The following PLPPR1 variants were observed in gnomAD, a reference collection of about 807,000 sequenced individuals.
PLPPR1 encodes the protein phospholipid phosphatase-related protein type 1.
In PLPPR1, 10 loss-of-function variants were observed where a neutral mutation model predicts 33.1. The ratio of observed to expected loss-of-function variants is 0.30; its 90% CI spans 0.19 to 0.51. The LOEUF (loss-of-function observed/expected upper bound fraction) is 0.51. Among genes scored for constraint, PLPPR1 ranks in the 20% least tolerant of loss-of-function variants. The probability of loss-of-function intolerance (pLI) is 0.97; values close to 1 mark genes in which losing one functional copy is unlikely to be tolerated. For synonymous variants in PLPPR1, 151 were observed against 151.0 expected (o/e 1.00, Z 0.00); for missense variants, 304 against 408.1 (o/e 0.74, Z 2.20).
chr9:101,042,131 GT>G (rs914882880), intron 1 of PLPPR1, among the ~76,000 whole-genome samples: 1 of 152,152 alleles, frequency 6.6e-6, no homozygotes, highest in Non-Finnish European at 1.5e-5. Context: ...ATTACAACAA[GT>G]TTAAAGTCAC....
chr9:101,159,479 A>T (rs979699782), intron 1 of PLPPR1, among the ~76,000 whole-genome samples: 1 of 152,210 alleles, frequency 6.6e-6, no homozygotes, highest in Admixed American at 6.5e-5. Context: ...CAAAGAAATG[A>T]TTGAAATGTT....
chr9:101,315,186 G>T (rs1483687523), intron 6 of PLPPR1, among the ~76,000 whole-genome samples: 1 of 152,186 alleles, frequency 6.6e-6, no homozygotes, highest in African/African-American at 2.4e-5. Flanking sequence ...TAGTGAGCAG[G>T]CCTCATTTTT....
chr9:101,094,887 T>C (rs564823400), intron 1 of PLPPR1, among the ~76,000 whole-genome samples: 1 of 152,156 alleles, frequency 6.6e-6, no homozygotes, highest in African/African-American at 2.4e-5. Context: ...GGGGCTTCAG[T>C]CTATCTCCAT....
At chr9:101,246,107 T>TATAG (rs1249953933) in intron 2 of PLPPR1, among the ~76,000 whole-genome samples, 4,473 of 95,924 alleles carry the variant, frequency 0.047, 270 homozygotes, top group Non-Finnish European at 0.069. Context: ...TATATATATA[T>TATAG]ATAGATAGAT....
intron 2 of PLPPR1, among the ~76,000 whole-genome samples, chr9:101,237,836 T>TATATATA: frequency 1.5e-5 from 2 of 129,892 alleles, no homozygotes; most frequent in East Asian, 2.3e-4. Context: ...TATATATATA[T>TATATATA]GCTATATATG....
chr9:101,065,183 T>C (rs1437289809), intron 1 of PLPPR1, among the ~76,000 whole-genome samples: 1 of 152,114 alleles, frequency 6.6e-6, no homozygotes. Flanking sequence ...TCTCTCACCC[T>C]ACTTTTTTAT....
intron 1 of PLPPR1, among the ~76,000 whole-genome samples, chr9:101,088,826 TA>T (rs1259648646): frequency 6.6e-6 from 1 of 152,208 alleles, no homozygotes; most frequent in Non-Finnish European, 1.5e-5. Flanking sequence ...CTTAGCCTTT[TA>T]TTATTCCATG....
chr9:101,145,821 C>T (rs1010865204), intron 1 of PLPPR1, among the ~76,000 whole-genome samples: 1 of 135,532 alleles, frequency 7.4e-6, no homozygotes, highest in Non-Finnish European at 1.5e-5. Context: ...GCCTGGGCAA[C>T]ATGGCAAGAC....
At position 101,186,744 on chromosome 9, in the gene PLPPR1, T is replaced by C. The variant is rs146462619; in HGVS notation, c.63+1187T>C. On this transcript the variant is annotated intron_variant, in intron 2 of 7. Coordinates refer to ENST00000374874, the MANE Select transcript of PLPPR1 (RefSeq NM_207299.2). Reference sequence around the variant, plus strand: ...ATCATTGAGTTTCACCTTATAGACATTGCTTGGTACTTTTAGATGAACAAA... The same window carrying C: ...ATCATTGAGTTTCACCTTATAGACACTGCTTGGTACTTTTAGATGAACAAA... Among the ~76,000 whole-genome samples, 210 of 152,026 alleles carry C rather than the reference T, an allele frequency of 1.4e-3. 1 individual carries two copies. Among genetic ancestry groups the C allele is most frequent in the African/African-American group, 4.7e-3 (194 of 41,528 alleles).
At chr9:101,038,193 C>A (rs898749229) in intron 1 of PLPPR1, among the ~76,000 whole-genome samples, 16 of 152,012 alleles carry the variant, frequency 1.1e-4, no homozygotes, top group African/African-American at 3.9e-4. Flanking sequence ...GCTATAATTT[C>A]AAATAGAAGC....
Position 101,269,823 on chromosome 9 carries a change from G to A in PLPPR1, c.64-57G>A, listed in dbSNP as rs750582027. The A allele has an allele frequency of 3.9e-6, 6 of 1,546,400 alleles. No individual in the cohort carries two copies. In the Admixed American group the frequency reaches 8.3e-5, roughly 22 times the overall value. On this transcript the variant is annotated intron_variant, in intron 2 of 7. Coordinates refer to ENST00000374874, the MANE Select transcript of PLPPR1 (RefSeq NM_207299.2). ...TGATGGAGGGAGTGTGCTCTGAGGG[G>A]CAAGGGCTGCTCCGAAGCCCTGCTA...
intron 1 of PLPPR1, among the ~76,000 whole-genome samples, chr9:101,127,134 C>G (rs1338489645): frequency 6.6e-6 from 1 of 152,076 alleles, no homozygotes; most frequent in East Asian, 1.9e-4. Flanking sequence ...CCATTGTTAC[C>G]CTCGTTCTTC....
intron 2 of PLPPR1, among the ~76,000 whole-genome samples, chr9:101,231,829 T>A (rs1827193622): frequency 6.6e-6 from 1 of 152,110 alleles, no homozygotes; most frequent in South Asian, 2.1e-4. Context: ...GTATGCAGCA[T>A]CAGAGAGAAA....
chr9:101,184,489 C>T (rs1057237017), intron 1 of PLPPR1, among the ~76,000 whole-genome samples: 2 of 151,922 alleles, frequency 1.3e-5, no homozygotes, highest in Admixed American at 1.3e-4. Context: ...ATACTGTAAT[C>T]AAAATCTACA....
intron 4 of PLPPR1, among the ~76,000 whole-genome samples, chr9:101,306,275 A>C (rs1450367046): frequency 6.6e-6 from 1 of 152,224 alleles, no homozygotes; most frequent in Non-Finnish European, 1.5e-5. Context: ...ATTTACAAAA[A>C]ACCCTTCTGG....
At chr9:101,075,159 C>T (rs1830521874) in intron 1 of PLPPR1, among the ~76,000 whole-genome samples, 1 of 152,092 alleles carries the variant, frequency 6.6e-6, no homozygotes, top group African/African-American at 2.4e-5. Flanking sequence ...GGGTTGAAAA[C>T]TGAATTTTTC....
intron 1 of PLPPR1, among the ~76,000 whole-genome samples, chr9:101,050,265 G>A (rs1394559754): frequency 6.6e-6 from 1 of 151,326 alleles, no homozygotes; most frequent in Non-Finnish European, 1.5e-5. Context: ...AAATTGATTT[G>A]ATTTTTCCTC....
intron 3 of PLPPR1, among the ~76,000 whole-genome samples, chr9:101,282,589 G>C (rs1250855572): frequency 6.6e-6 from 1 of 152,092 alleles, no homozygotes; most frequent in Admixed American, 6.6e-5. Context: ...GAAAGAAAAG[G>C]CATTCAAATT....
intron 1 of PLPPR1, among the ~76,000 whole-genome samples, chr9:101,032,072 A>G (rs1829952102): frequency 1.3e-5 from 2 of 152,214 alleles, no homozygotes; most frequent in South Asian, 4.1e-4. Context: ...TCCAGGCAGA[A>G]ATATCTCTGA....
Sources: gnomAD v4.1 joint callset for allele counts (sites outside exome capture counted in the v4.1 genomes callset) on GRCh38, gnomAD v4.1.1 for gene constraint, MANE v1.5 for transcripts, NCBI Gene and HGNC (gene_info 2026-07-23, HGNC 2026-07-21) for gene names.